The following PTPN1 variants were observed in gnomAD, a reference collection of about 807,000 sequenced individuals.
The protein encoded by PTPN1 is tyrosine-protein phosphatase non-receptor type 1.
PTPN1 carries 12 observed loss-of-function variants against 59.9 expected under a neutral mutation model. The observed-to-expected ratio is 0.20, with a 90% CI of 0.13 to 0.32. The LOEUF is 0.32. Ranked by LOEUF, PTPN1 falls within the 10% of genes least tolerant of loss-of-function variation. PTPN1 has a pLI of 1.00. For missense variants in PTPN1, 356 were observed against 549.2 expected (o/e 0.65, Z 3.52); for synonymous variants, 178 against 203.6 (o/e 0.87, Z 1.07).
chr20:50,520,998 C>T (rs1486387122), intron 1 of PTPN1, among the ~76,000 whole-genome samples: 1 of 152,172 alleles, frequency 6.6e-6, no homozygotes, highest in African/African-American at 2.4e-5. Context: ...TCATGCCTTA[C>T]TCATGCTAGA....
chr20:50,561,236 C>G, intron 1 of PTPN1, 127 bp from the exon 2 acceptor site: 1 of 705,040 alleles, frequency 1.4e-6, no homozygotes, highest in Non-Finnish European at 2.4e-6. Flanking sequence ...CCCCCATGGC[C>G]TGGTACATAC....
At chr20:50,531,328 C>T (rs574465484) in intron 1 of PTPN1, among the ~76,000 whole-genome samples, 1 of 152,194 alleles carries the variant, frequency 6.6e-6, no homozygotes, top group Admixed American at 6.5e-5. Context: ...CAGTTGAGGA[C>T]AAAGTAGAAA....
At chr20:50,527,498 C>T (rs988742679) in intron 1 of PTPN1, among the ~76,000 whole-genome samples, 5 of 152,152 alleles carry the variant, frequency 3.3e-5, no homozygotes, top group African/African-American at 9.7e-5. Flanking sequence ...TGCCTGTCAT[C>T]ACGCCTGGCT....
rs1323514744 is a variant in PTPN1, at chr20:50,550,050, T to G, written c.64-11313T>G. 2.0e-5 allele frequency among the ~76,000 whole-genome samples: 3 copies of G among 152,272 alleles called. No individual in the cohort carries two copies. The East Asian group carries it at 5.8e-4, about 29-fold the overall frequency. ...ACTTTGAAGATCTGGTTTCTAAAAT[T>G]TTATGCTAGTTACCCCACCCCCCCT... On this transcript the variant is annotated intron_variant, in intron 1 of 9. Coordinates refer to ENST00000371621, the MANE Select transcript of PTPN1 (RefSeq NM_002827.4).
intron 1 of PTPN1, among the ~76,000 whole-genome samples, chr20:50,516,031 G>T (rs1294508385): frequency 6.6e-6 from 1 of 152,164 alleles, no homozygotes; most frequent in Non-Finnish European, 1.5e-5. Flanking sequence ...TTGGCCTACG[G>T]TGAACTTTAC....
At chr20:50,558,803 G>A (rs1407693965) in intron 1 of PTPN1, among the ~76,000 whole-genome samples, 2 of 152,052 alleles carry the variant, frequency 1.3e-5, no homozygotes. Flanking sequence ...CAGCCTGCTC[G>A]CTTCCCGTGT....
intron 1 of PTPN1, among the ~76,000 whole-genome samples, chr20:50,553,742 T>A (rs767447468): frequency 8.5e-5 from 13 of 152,136 alleles, no homozygotes; most frequent in Non-Finnish European, 1.8e-4. Context: ...AAACAGCTAT[T>A]ATAAATAACT....
chr20:50,515,462 T>C (rs1344758995), intron 1 of PTPN1, among the ~76,000 whole-genome samples: 1 of 152,230 alleles, frequency 6.6e-6, no homozygotes, highest in African/African-American at 2.4e-5. Flanking sequence ...ACATTTTTTT[T>C]TTAAATTTTT....
rs1176748079 is a variant in PTPN1, at chr20:50,582,951, A to G, written c.*236A>G. 13 of 594,060 alleles carry G rather than the reference A, an allele frequency of 2.2e-5. No homozygotes were observed. Among genetic ancestry groups the G allele is most frequent in the Non-Finnish European group, 3.9e-5 (13 of 330,892 alleles). The allele number at this position is 594,060 out of a possible 1,614,324, so 36.8% of individuals were successfully genotyped here. On this transcript the variant is annotated 3_prime_UTR_variant, in exon 10 of 10. Transcript: ENST00000371621. The surrounding 1 kb of genome is among the most constrained non-coding windows in gnomAD (Gnocchi z 4.2). ...TACCAAATCCACAAGCCATTTTTTG[A>G]GGAGAGTGAAAGAGAGTACCATGCT...
intron 1 of PTPN1, among the ~76,000 whole-genome samples, chr20:50,525,897 G>GT (rs1217440041): frequency 3.9e-5 from 6 of 152,106 alleles, no homozygotes; most frequent in Admixed American, 3.9e-4. Flanking sequence ...AAGTGTAGCC[G>GT]TTATATGGCC....
chr20:50,537,602 A>G (rs2082629718), intron 1 of PTPN1, among the ~76,000 whole-genome samples: 1 of 152,166 alleles, frequency 6.6e-6, no homozygotes, highest in Admixed American at 6.5e-5. Flanking sequence ...TCTGCCCTCA[A>G]AAAGCATTCC....
At chr20:50,554,381 TCTCTCTCTC>T (rs1290157827) in intron 1 of PTPN1, among the ~76,000 whole-genome samples, 1 of 19,346 alleles carries the variant, frequency 5.2e-5, no homozygotes, top group Non-Finnish European at 1.2e-4. Flanking sequence ...CAAGACCACA[TCTCTCTCTC>T]TCTCTCTCTC....
intron 1 of PTPN1, among the ~76,000 whole-genome samples, chr20:50,530,357 A>C (rs1196189103): frequency 6.6e-6 from 1 of 151,494 alleles, no homozygotes; most frequent in African/African-American, 2.4e-5. Flanking sequence ...AAAATGTTTT[A>C]ATTTGTTTTT....
chr20:50,542,055 C>A (rs1341192964), intron 1 of PTPN1, among the ~76,000 whole-genome samples: 2 of 152,188 alleles, frequency 1.3e-5, no homozygotes, highest in African/African-American at 4.8e-5. Flanking sequence ...AGGACAGGGA[C>A]CATGACATTA....
intron 3 of PTPN1, among the ~76,000 whole-genome samples, chr20:50,566,953 C>T (rs1230771527): frequency 6.6e-6 from 1 of 152,118 alleles, no homozygotes; most frequent in African/African-American, 2.4e-5. Context: ...TATCTGTTCA[C>T]TGGGGAGGGA....
chr20:50,562,804 A>G (rs1157497891), intron 2 of PTPN1, among the ~76,000 whole-genome samples: 1 of 152,242 alleles, frequency 6.6e-6, no homozygotes, highest in African/African-American at 2.4e-5. Flanking sequence ...CCGCTGATCA[A>G]CACGCAACAG....
rs2082887123 is a variant in PTPN1, at chr20:50,584,405, C to T, written c.*1690C>T. The T allele has an allele frequency of 6.6e-6, 1 of 152,556 alleles. No individual in the cohort carries two copies. Among genetic ancestry groups the T allele is most frequent in the African/African-American group, 2.4e-5 (1 of 41,424 alleles). 9.5% of individuals were successfully genotyped at this position (152,556 alleles called of 1,614,324 possible). ...AAAATGGACGTACTGGTTTAACCTC[C>T]TATCCTTGGAGAGCAGCTGGCTCTC... is the stretch of plus-strand genomic sequence containing the variant. On this transcript the variant is annotated 3_prime_UTR_variant, in exon 10 of 10. Coordinates refer to ENST00000371621, the MANE Select transcript of PTPN1 (RefSeq NM_002827.4).
At chr20:50,579,958 G>A (rs765446313) in intron 8 of PTPN1, 32 bp downstream of exon 8, 1 of 1,582,562 alleles carries the variant, frequency 6.3e-7, no homozygotes, top group Non-Finnish European at 8.7e-7. Context: ...TTGTTGGGGT[G>A]AGGGGAAATG....
chr20:50,568,443 G>A lies in PTPN1; in HGVS notation c.319G>A (p.Val107Ile). Residue 107 changes from valine to isoleucine, a missense_variant, in exon 4 of 10, where the codon GTC becomes ATC. Coordinates refer to ENST00000371621, the MANE Select transcript of PTPN1 (RefSeq NM_002827.4). The surrounding 1 kb of genome is among the most constrained non-coding windows in gnomAD (Gnocchi z 5.6). ...GGTGTGGGAGCAGAAAAGCAGGGGT[G>A]TCGTCATGCTCAACAGAGTGATGGA... ...EMVWEQKSRG[V>I]VMLNRVMEKG... The A allele has an allele frequency of 6.2e-7, 1 of 1,614,198 alleles. No individual in the cohort carries two copies. Among genetic ancestry groups the A allele is most frequent in the Non-Finnish European group, 8.5e-7 (1 of 1,180,024 alleles).
Sources: gnomAD v4.1 joint callset for allele counts (sites outside exome capture counted in the v4.1 genomes callset) on GRCh38, gnomAD v4.1.1 for gene constraint, Gnocchi (gnomAD v3.1) non-coding constraint, MANE v1.5 for transcripts, NCBI Gene and HGNC (gene_info 2026-07-23, HGNC 2026-07-21) for gene names.